VPS37A: variants seen among roughly 807,000 people sequenced by gnomAD.
VPS37A encodes the protein VPS37A subunit of ESCRT-I.
VPS37A carries 30 observed loss-of-function variants against 49.8 expected under a neutral mutation model. The ratio of observed to expected loss-of-function variants is 0.60; its 90% CI spans 0.45 to 0.82. VPS37A has a LOEUF of 0.82. VPS37A is among the 40% of genes least tolerant of loss of function. The pLI is 0.00. For synonymous variants in VPS37A, 195 were observed against 160.6 expected (o/e 1.21, Z -1.62); for missense variants, 593 against 464.4 (o/e 1.28, Z -2.55).
At chr8:17,284,700 A>C (rs1349761293) in intron 10 of VPS37A, 84 bp downstream of exon 10, 2 of 1,427,264 alleles carry the variant, frequency 1.4e-6, no homozygotes, top group South Asian at 1.4e-5. Context: ...GGTGTTAGCT[A>C]TTTCTCTATT....
downstream of VPS37A, among the ~76,000 whole-genome samples, chr8:17,305,028 A>C (rs1301006057): frequency 6.6e-6 from 1 of 152,166 alleles, no homozygotes; most frequent in Non-Finnish European, 1.5e-5. Flanking sequence ...GGTACAAGAA[A>C]ACAGGTGACC....
At chr8:17,252,289 C>T (rs1026384560) in intron 1 of VPS37A, among the ~76,000 whole-genome samples, 1 of 152,198 alleles carries the variant, frequency 6.6e-6, no homozygotes, top group Non-Finnish European at 1.5e-5. Context: ...GTAGCTGGAA[C>T]TACAGGCACA....
the VPS37A span, among the ~76,000 whole-genome samples, chr8:17,310,787 A>G: frequency 6.6e-6 from 1 of 152,182 alleles, no homozygotes; most frequent in Non-Finnish European, 1.5e-5. Flanking sequence ...CTCCTTTGTC[A>G]GCATCTTGTG....
At chr8:17,315,347 GAAAT>G in the VPS37A span, among the ~76,000 whole-genome samples, 1 of 152,132 alleles carries the variant, frequency 6.6e-6, no homozygotes, top group Non-Finnish European at 1.5e-5. Flanking sequence ...GGTTGTGAGG[GAAAT>G]AAATAGGTGG....
the VPS37A span, among the ~76,000 whole-genome samples, chr8:17,323,105 G>A: frequency 4.6e-5 from 7 of 151,456 alleles, no homozygotes; most frequent in Non-Finnish European, 7.4e-5. Flanking sequence ...ACACCACCAC[G>A]CCCAGCTAAT....
At chr8:17,289,708 A>T (rs563952277) in intron 11 of VPS37A, among the ~76,000 whole-genome samples, 75 of 152,312 alleles carry the variant, frequency 4.9e-4, no homozygotes, top group Non-Finnish European at 1.0e-3. Context: ...GTTCCATATA[A>T]AATTTAAAGT....
chr8:17,310,813 ATT>A, the VPS37A span, among the ~76,000 whole-genome samples: 1 of 152,178 alleles, frequency 6.6e-6, no homozygotes, highest in Non-Finnish European at 1.5e-5. Flanking sequence ...CGGATTCATG[ATT>A]CACTGAAGCA....
chr8:17,254,068 T>C (rs1009675615), intron 1 of VPS37A, among the ~76,000 whole-genome samples: 1 of 152,200 alleles, frequency 6.6e-6, no homozygotes, highest in Admixed American at 6.5e-5. Flanking sequence ...CTCTTGAGTT[T>C]TTTATGTTTC....
chr8:17,278,716 C>T (rs967016248), intron 6 of VPS37A, among the ~76,000 whole-genome samples: 2 of 151,916 alleles, frequency 1.3e-5, no homozygotes, highest in African/African-American at 2.4e-5. Context: ...TTTTACAGTT[C>T]TGTTGTCTTT....
intron 1 of VPS37A, among the ~76,000 whole-genome samples, chr8:17,256,652 T>C (rs1463292258): frequency 1.3e-5 from 2 of 151,282 alleles, no homozygotes; most frequent in Non-Finnish European, 2.9e-5. Flanking sequence ...ATTTATTTAT[T>C]TATTTATTTA....
chr8:17,284,417 G>C (rs892650526), intron 9 of VPS37A, 56 bp from the exon 10 acceptor site: 2 of 1,517,246 alleles, frequency 1.3e-6, no homozygotes, highest in Non-Finnish European at 1.7e-6. Flanking sequence ...TCCTTTCCCT[G>C]TGAGGAGTTC....
intron 6 of VPS37A, among the ~76,000 whole-genome samples, chr8:17,278,141 C>G (rs1198208159): frequency 6.6e-6 from 1 of 152,026 alleles, no homozygotes; most frequent in Non-Finnish European, 1.5e-5. Flanking sequence ...TAGAAGTAGA[C>G]AAGGTTCAAT....
chr8:17,317,599 G>A, the VPS37A span, among the ~76,000 whole-genome samples: 1 of 152,170 alleles, frequency 6.6e-6, no homozygotes, highest in Non-Finnish European at 1.5e-5. Flanking sequence ...ATCTTCTCTT[G>A]TGGAAGTGTG....
At chr8:17,275,260 T>C (rs1159283322) in intron 5 of VPS37A, among the ~76,000 whole-genome samples, 2 of 152,172 alleles carry the variant, frequency 1.3e-5, no homozygotes, top group African/African-American at 4.8e-5. Context: ...TGATTCTGGT[T>C]TTTTTCACCA....
rs372080504 is a variant in VPS37A, at chr8:17,284,897, C to G, written c.1113+281C>G. Reference sequence around the variant, plus strand: ...CCCCAGGGGGGCAACTGCCATTGCTCTAAGATGTCCTTTTGATGTGACTTG... The same window carrying G: ...CCCCAGGGGGGCAACTGCCATTGCTGTAAGATGTCCTTTTGATGTGACTTG... On this transcript the variant is annotated intron_variant, in intron 10 of 11. Coordinates refer to ENST00000324849, the MANE Select transcript of VPS37A (RefSeq NM_152415.3). 4.6e-5 allele frequency among the ~76,000 whole-genome samples: 7 copies of G among 152,198 alleles called. No individual in the cohort carries two copies. In the East Asian group the frequency reaches 7.7e-4, roughly 17 times the overall value.
chr8:17,279,177 C>A (rs545945996), intron 6 of VPS37A, among the ~76,000 whole-genome samples: 2 of 152,060 alleles, frequency 1.3e-5, no homozygotes, highest in Non-Finnish European at 2.9e-5. Flanking sequence ...GCTTATGTGC[C>A]GTGTCTTACT....
downstream of VPS37A, chr8:17,304,599 G>A: frequency 6.9e-7 from 1 of 1,456,792 alleles, no homozygotes; most frequent in Admixed American, 1.8e-5. Context: ...ATGCTGGAAA[G>A]GAACTAATAA....
chr8:17,256,122 T>G (rs1234670853), intron 1 of VPS37A, among the ~76,000 whole-genome samples: 1 of 152,022 alleles, frequency 6.6e-6, no homozygotes, highest in Non-Finnish European at 1.5e-5. Context: ...GAGATATTGT[T>G]AGTCTTTTGA....
chr8:17,292,119 TC>T (rs1752654942), intron 11 of VPS37A, among the ~76,000 whole-genome samples: 1 of 152,216 alleles, frequency 6.6e-6, no homozygotes, highest in South Asian at 2.1e-4. Flanking sequence ...CTTTGAGGTC[TC>T]TAAGAACTTG....
Sources: allele counts gnomAD v4.1 joint callset (sites outside exome capture counted in the v4.1 genomes callset), GRCh38; gene constraint gnomAD v4.1.1; transcripts MANE v1.5; gene names NCBI Gene and HGNC (gene_info 2026-07-23, HGNC 2026-07-21).